Variants in ARHGAP8 observed in about 807,000 individuals in gnomAD.
ARHGAP8 encodes the protein rho GTPase-activating protein 8.
Under a neutral mutation model 46.1 loss-of-function variants are expected in ARHGAP8, and 62 were observed. The observed-to-expected ratio is 1.34, with a 90% CI of 1.10 to 1.66. The LOEUF is 1.66. ARHGAP8 is among the 40% of genes most tolerant of loss of function. ARHGAP8 has a pLI of 0.00. For synonymous variants in ARHGAP8, 375 were observed against 243.1 expected (o/e 1.54, Z -5.05); for missense variants, 923 against 568.4 (o/e 1.62, Z -6.34).
intron 7 of ARHGAP8, among the ~76,000 whole-genome samples, chr22:44,844,280 T>C (rs995221603): frequency 6.6e-6 from 1 of 152,034 alleles, no homozygotes; most frequent in Non-Finnish European, 1.5e-5. Flanking sequence ...ACATCTAATA[T>C]ATTAATAGAG....
At chr22:44,785,092 C>G in intron 1 of ARHGAP8, among the ~76,000 whole-genome samples, 1 of 152,196 alleles carries the variant, frequency 6.6e-6, no homozygotes, top group East Asian at 1.9e-4. Flanking sequence ...TGAGGCAGCC[C>G]TCAGGCCCCG....
rs541236679 is a variant in ARHGAP8 at position 44,768,153 on chromosome 22, C to T, written c.-72+15526C>T. On this transcript the variant is annotated intron_variant, in intron 1 of 11. Transcript: ENST00000356099. ...CTGGTATTATAGGCGCCCACCACCACGCCCGGCTAATTTTTGTATTTTTAG... is the reference window on the plus strand; with the variant it reads ...CTGGTATTATAGGCGCCCACCACCATGCCCGGCTAATTTTTGTATTTTTAG... 3.6e-4 allele frequency among the ~76,000 whole-genome samples: 55 copies of T among 151,476 alleles called. No individual in the cohort carries two copies. The South Asian group carries it at 9.6e-3, about 27-fold the overall frequency.
chr22:44,779,667 T>G (rs564472387), intron 1 of ARHGAP8, among the ~76,000 whole-genome samples: 175 of 149,976 alleles, frequency 1.2e-3, no homozygotes, highest in Middle Eastern at 6.9e-3. Flanking sequence ...GTTCAAGCAA[T>G]TCTTCTGCCT....
intron 4 of ARHGAP8, among the ~76,000 whole-genome samples, chr22:44,810,204 T>G (rs887908743): frequency 2.0e-5 from 3 of 151,468 alleles, no homozygotes; most frequent in Admixed American, 6.6e-5. Flanking sequence ...TCTGCATCCC[T>G]TGCAGGTGGG....
chr22:44,814,892 C>G, intron 5 of ARHGAP8, 134 bp downstream of exon 5: 1 of 1,053,898 alleles, frequency 9.5e-7, no homozygotes, highest in Non-Finnish European at 1.4e-6. Context: ...GGCTCCCTAC[C>G]CGCCCTGGGG....
chr22:44,756,092 G>A (rs1924650443), intron 1 of ARHGAP8, among the ~76,000 whole-genome samples: 1 of 39,236 alleles, frequency 2.5e-5, no homozygotes, highest in Non-Finnish European at 7.0e-5. Flanking sequence ...CCACGCTGAA[G>A]GCCAAGGCCA....
intron 10 of ARHGAP8, among the ~76,000 whole-genome samples, chr22:44,857,535 A>T (rs1025419013): frequency 6.6e-5 from 10 of 152,174 alleles, no homozygotes; most frequent in Admixed American, 3.9e-4. Context: ...CAGTCCACTG[A>T]GTGTGCTGAT....
At chr22:44,787,034 A>AAAAC (rs548992449) in intron 2 of ARHGAP8, among the ~76,000 whole-genome samples, 27 of 94,786 alleles carry the variant, frequency 2.8e-4, no homozygotes, top group Middle Eastern at 4.9e-3. Context: ...TGTCTCAAAA[A>AAAAC]AACAAAAAAA....
In ARHGAP8 at chr22:44,856,430, C is replaced by A. The variant is rs146278267; in HGVS notation, c.878-3301C>A. 2.6e-5 allele frequency among the ~76,000 whole-genome samples: 4 copies of A among 151,992 alleles called. 1 individual carries two copies. The highest frequency in any genetic ancestry group is 9.7e-5 in the African/African-American group (4 of 41,362). On this transcript the variant is annotated intron_variant, in intron 10 of 11. Transcript: ENST00000356099. ...CTGGGATTACAGGCACCCGCCACCACGCCTGGCTAATTTTTGTATTTTTAG... is the reference window on the plus strand; with the variant it reads ...CTGGGATTACAGGCACCCGCCACCAAGCCTGGCTAATTTTTGTATTTTTAG...
intron 7 of ARHGAP8, among the ~76,000 whole-genome samples, chr22:44,825,994 G>C (rs1267904252): frequency 6.6e-6 from 1 of 151,640 alleles, no homozygotes; most frequent in Admixed American, 6.6e-5. Context: ...TAGTGGATGG[G>C]GGTCTCTGGG....
chr22:44,779,385 G>A (rs909599884), intron 1 of ARHGAP8, among the ~76,000 whole-genome samples: 1 of 151,706 alleles, frequency 6.6e-6, no homozygotes, highest in Non-Finnish European at 1.5e-5. Context: ...GCAAGCATGA[G>A]CTACTGCGCC....
intron 7 of ARHGAP8, among the ~76,000 whole-genome samples, chr22:44,830,537 A>C (rs1025295270): frequency 6.8e-6 from 1 of 147,680 alleles, no homozygotes; most frequent in East Asian, 2.0e-4. Flanking sequence ...TCTTTTATTT[A>C]TTTTAGTTTT....
At chr22:44,816,868 TTTTC>T (rs747088285) in intron 5 of ARHGAP8, among the ~76,000 whole-genome samples, 41 of 149,038 alleles carry the variant, frequency 2.8e-4, no homozygotes, top group African/African-American at 5.0e-4. Context: ...TTTCTTTCTT[TTTTC>T]TTTCTTTCTT....
At chr22:44,808,139 C>T (rs1456996584) in intron 3 of ARHGAP8, among the ~76,000 whole-genome samples, 168 bp from the exon 4 acceptor site, 5 of 152,244 alleles carry the variant, frequency 3.3e-5, no homozygotes, top group African/African-American at 1.2e-4. Context: ...CTCTGAGCCT[C>T]AGATGTCATC....
intron 7 of ARHGAP8, among the ~76,000 whole-genome samples, chr22:44,830,951 C>T (rs919767075): frequency 2.0e-5 from 3 of 152,156 alleles, no homozygotes; most frequent in African/African-American, 7.2e-5. Context: ...CATGTATTAT[C>T]GGCCATTTGT....
At chr22:44,770,414 T>TC (rs1220939717) in intron 1 of ARHGAP8, among the ~76,000 whole-genome samples, 1 of 151,862 alleles carries the variant, frequency 6.6e-6, no homozygotes, top group African/African-American at 2.4e-5. Context: ...CTTTTTTTTT[T>TC]TTTCTTTTTG....
At chr22:44,772,930 T>C (rs1926148236) in intron 1 of ARHGAP8, among the ~76,000 whole-genome samples, 2 of 150,720 alleles carry the variant, frequency 1.3e-5, no homozygotes, top group African/African-American at 4.9e-5. Context: ...GCGGTCCTCC[T>C]ACTTCAGCCT....
intron 2 of ARHGAP8, among the ~76,000 whole-genome samples, chr22:44,800,495 G>T (rs374651634): frequency 3.9e-5 from 6 of 152,190 alleles, no homozygotes; most frequent in Admixed American, 6.5e-5. Flanking sequence ...CTCTCAAGGG[G>T]TACCCCTCCC....
At chr22:44,839,024 C>A (rs568315498) in intron 7 of ARHGAP8, among the ~76,000 whole-genome samples, 2 of 152,052 alleles carry the variant, frequency 1.3e-5, no homozygotes, top group African/African-American at 4.8e-5. Flanking sequence ...CTAGCTCCTA[C>A]GGGAAGGGAG....
Sources: allele counts gnomAD v4.1 joint callset (sites outside exome capture counted in the v4.1 genomes callset), GRCh38; gene constraint gnomAD v4.1.1; transcripts MANE v1.5; gene names NCBI Gene and HGNC (gene_info 2026-07-23, HGNC 2026-07-21).